ANKRD46: variants seen among roughly 807,000 people sequenced by gnomAD.
ANKRD46 encodes the protein ankyrin repeat domain 46, also known as ankyrin repeat domain-containing protein 46.
A neutral mutation model predicts 19.8 loss-of-function variants in ANKRD46; 13 were observed. The observed-to-expected ratio is 0.66, with a 90% confidence interval of 0.43 to 1.04. The LOEUF (loss-of-function observed/expected upper bound fraction) is 1.04, where lower values mean the gene tolerates loss of function less well. ANKRD46 is among the 50% of genes least tolerant of loss of function. ANKRD46 has a pLI of 0.00. For synonymous variants in ANKRD46, 91 were observed against 106.9 expected (o/e 0.85, Z 0.92); for missense variants, 185 against 274.8 (o/e 0.67, Z 2.31).
At chr8:100,542,666 G>C (rs992927856) in intron 1 of ANKRD46, among the ~76,000 whole-genome samples, 1 of 151,988 alleles carries the variant, frequency 6.6e-6, no homozygotes, top group Non-Finnish European at 1.5e-5. Flanking sequence ...CTTAGAAATG[G>C]CTCCAGGTTC....
At chr8:100,512,966 G>A (rs1053440871) in intron 5 of ANKRD46, among the ~76,000 whole-genome samples, 1 of 152,172 alleles carries the variant, frequency 6.6e-6, no homozygotes, top group Non-Finnish European at 1.5e-5. Flanking sequence ...CTCTATTGAG[G>A]CTTTCTTGAG....
Position 100,522,469 on chromosome 8 carries a change from G to C in ANKRD46, c.*86C>G. The C allele has an allele frequency of 6.4e-7, 1 of 1,551,700 alleles. No homozygotes were observed. The highest frequency in any genetic ancestry group is 1.4e-5 in the African/African-American group (1 of 72,946). ...GAACATGTACTGCCCTCACTGCTTT[G>C]CGCTAAGAAAAATTCTGAGAAACTG... On this transcript the variant is annotated 3_prime_UTR_variant, in exon 5 of 5. Transcript: ENST00000335659.
At position 100,542,913 on chromosome 8, in the gene ANKRD46, G is replaced by A. The variant is rs144647626; in HGVS notation, c.-130-9602C>T. Among the ~76,000 whole-genome samples, 22 of 152,206 alleles carry A rather than the reference G, an allele frequency of 1.4e-4. 1 individual carries two copies. The highest frequency in any genetic ancestry group is 5.3e-4 in the African/African-American group (22 of 41,552). ...TTCAAGCATAAGACAGCGAATTACAGCAATTCTCTTTCTGACTGAGCCCTG... is the reference window on the plus strand; with the variant it reads ...TTCAAGCATAAGACAGCGAATTACAACAATTCTCTTTCTGACTGAGCCCTG... On this transcript the variant is annotated intron_variant, in intron 1 of 4. Transcript: ENST00000335659.
At position 100,525,429 on chromosome 8, in the gene ANKRD46, T is replaced by C. The variant is rs1031477686; in HGVS notation, c.470+2416A>G. Reference sequence around the variant, plus strand: ...TCCCATTGCCCCTTCTCCCAGCTTCTAGTCTACTTTCTCATCTACTTTCTG... The same window carrying C: ...TCCCATTGCCCCTTCTCCCAGCTTCCAGTCTACTTTCTCATCTACTTTCTG... On this transcript the variant is annotated intron_variant, in intron 4 of 4. Transcript: ENST00000335659. The surrounding 1 kb of genome is among the most constrained non-coding windows in gnomAD (Gnocchi z 4.4). 6.6e-6 allele frequency among the ~76,000 whole-genome samples: 1 copy of C among 152,222 alleles called. No homozygotes were observed. Among genetic ancestry groups the C allele is most frequent in the Admixed American group, 6.5e-5 (1 of 15,280 alleles).
rs558946678 is a variant in ANKRD46 at position 100,529,544 on chromosome 8, T to C, written c.290A>G (p.Asn97Ser). Residue 97 changes from asparagine (N) to serine (S), a missense_variant, in exon 3 of 5, where the codon AAT becomes AGT. Coordinates refer to ENST00000335659, the MANE Select transcript of ANKRD46 (RefSeq NM_001270377.2). The surrounding 1 kb of genome is among the most constrained non-coding windows in gnomAD (Gnocchi z 5.8). ...HVDTIQFLVSNGLKIDICNHQ... is the reference protein window; with the variant it reads ...HVDTIQFLVSSGLKIDICNHQ... ...TTACCAAATATCAATTTTGAGTCCA[T>C]TGGAAACCAAAAATTGGATAGTATC... 1.0e-4 allele frequency: 166 copies of C among 1,612,576 alleles called. 1 individual carries two copies. In the South Asian group the frequency reaches 1.1e-3, roughly 10 times the overall value.
rs1387803238 is a variant in ANKRD46 at position 100,545,285 on chromosome 8, T to C, written c.-130-11974A>G. On this transcript the variant is annotated intron_variant, in intron 1 of 4. Coordinates refer to ENST00000335659, the MANE Select transcript of ANKRD46 (RefSeq NM_001270377.2). This position sits in a 1 kb window ranked among gnomAD's most constrained non-coding sequence, Gnocchi z 4.7. ...GTCCTCACTCAAATCTCATTTTAAATTGTAGTCCCCACATATCAAGGAAGG... is the reference window on the plus strand; with the variant it reads ...GTCCTCACTCAAATCTCATTTTAAACTGTAGTCCCCACATATCAAGGAAGG... 6.6e-6 allele frequency among the ~76,000 whole-genome samples: 1 copy of C among 152,098 alleles called. No individual in the cohort carries two copies. The highest frequency in any genetic ancestry group is 1.5e-5 in the Non-Finnish European group (1 of 68,008).
At chr8:100,538,774 G>A (rs985166107) in intron 1 of ANKRD46, among the ~76,000 whole-genome samples, 9 of 152,130 alleles carry the variant, frequency 5.9e-5, no homozygotes, top group African/African-American at 1.7e-4. Context: ...GAAAAGTAGC[G>A]GGGAGAGATA....
Position 100,543,768 on chromosome 8 carries a change from G to A in ANKRD46, c.-130-10457C>T, listed in dbSNP as rs17428985. Among the ~76,000 whole-genome samples, 13,601 of 152,122 alleles carry A rather than the reference G, an allele frequency of 0.089. 739 individuals are homozygous for A. The highest frequency in any genetic ancestry group is 0.12 in the Non-Finnish European group (8,314 of 67,976). ...AAACAAATTAAAGGCAAACTTTCAG[G>A]TTTATGGTAGCTATTAAATTTACCA... On this transcript the variant is annotated intron_variant, in intron 1 of 4. Transcript: ENST00000335659. The surrounding 1 kb of genome is among the most constrained non-coding windows in gnomAD (Gnocchi z 4.2).
intron 5 of ANKRD46, among the ~76,000 whole-genome samples, chr8:100,514,925 C>T (rs1811604654): frequency 6.6e-6 from 1 of 152,088 alleles, no homozygotes; most frequent in South Asian, 2.1e-4. Context: ...CAGGAGTGAG[C>T]CACCACACCC....
chr8:100,543,047 A>G lies in ANKRD46; in HGVS notation c.-130-9736T>C, dbSNP rs930015963. 7.9e-5 allele frequency among the ~76,000 whole-genome samples: 12 copies of G among 152,182 alleles called. No homozygotes were observed. Among genetic ancestry groups the G allele is most frequent in the African/African-American group, 2.9e-4 (12 of 41,448 alleles). On this transcript the variant is annotated intron_variant, in intron 1 of 4. Coordinates refer to ENST00000335659, the MANE Select transcript of ANKRD46 (RefSeq NM_001270377.2). This position sits in a 1 kb window ranked among gnomAD's most constrained non-coding sequence, Gnocchi z 4.2. ...AATCTTTCAGAAACGGGAAAAGAAG[A>G]TGACAAGTTCCTATATCAGTTTCCC...
chr8:100,524,360 A>G lies in ANKRD46; in HGVS notation c.471-1589T>C, dbSNP rs1006641854. 6.6e-6 allele frequency among the ~76,000 whole-genome samples: 1 copy of G among 152,242 alleles called. No homozygotes were observed. Among genetic ancestry groups the G allele is most frequent in the Non-Finnish European group, 1.5e-5 (1 of 68,038 alleles). On this transcript the variant is annotated intron_variant, in intron 4 of 4. Transcript: ENST00000335659. The surrounding 1 kb of genome is among the most constrained non-coding windows in gnomAD (Gnocchi z 4.3). ...CATTATGAACTATGAATAAACATGC[A>G]AAACTGACATTTTTTAACCTACAAC...
chr8:100,556,134 C>T (rs1292005853), intron 1 of ANKRD46, among the ~76,000 whole-genome samples: 1 of 152,194 alleles, frequency 6.6e-6, no homozygotes, highest in Non-Finnish European at 1.5e-5. Context: ...GATGCTTCCA[C>T]CTCAGCCTTC....
At chr8:100,513,798 T>C (rs1354090396) in intron 5 of ANKRD46, among the ~76,000 whole-genome samples, 1 of 152,216 alleles carries the variant, frequency 6.6e-6, no homozygotes, top group Admixed American at 6.5e-5. Context: ...TAAGTTTTAT[T>C]TTCTCCTAAA....
At chr8:100,547,481 A>G (rs1259524649) in intron 1 of ANKRD46, among the ~76,000 whole-genome samples, 2 of 152,176 alleles carry the variant, frequency 1.3e-5, no homozygotes, top group African/African-American at 4.8e-5. Flanking sequence ...GAGTCAACTG[A>G]ACTTCTTTTG....
At chr8:100,530,357 A>C (rs530534823) in intron 2 of ANKRD46, among the ~76,000 whole-genome samples, 3 of 151,854 alleles carry the variant, frequency 2.0e-5, no homozygotes, top group East Asian at 3.9e-4. Context: ...TATACTCAAC[A>C]AAGACCTGTA....
rs2469651 is a variant in ANKRD46, at chr8:100,534,652, G to T, written c.-130-1341C>A. On this transcript the variant is annotated intron_variant, in intron 1 of 4. Transcript: ENST00000335659. This position sits in a 1 kb window ranked among gnomAD's most constrained non-coding sequence, Gnocchi z 4.2. Reference sequence around the variant, plus strand: ...TCTGGATGTGGTAGAGCTCACATTAGGGAAAAAGAAAAAATTTTGTTTTTC... The same window carrying T: ...TCTGGATGTGGTAGAGCTCACATTATGGAAAAAGAAAAAATTTTGTTTTTC... 0.45 allele frequency among the ~76,000 whole-genome samples: 67,741 copies of T among 151,924 alleles called. 15,335 individuals carry two copies. Among genetic ancestry groups the T allele is most frequent in the African/African-American group, 0.49 (20,369 of 41,424 alleles).
intron 1 of ANKRD46, among the ~76,000 whole-genome samples, chr8:100,549,794 T>C (rs2186386): frequency 0.49 from 74,703 of 152,048 alleles, 19,294 homozygotes; most frequent in African/African-American, 0.66. Flanking sequence ...TTCATCATTA[T>C]AGCATCAGGC....
In ANKRD46 at chr8:100,510,311, CGGA is replaced by C. The variant is rs1811530412; in HGVS notation, c.*263_*265del. 1 of 395,962 alleles carries C rather than the reference CGGA, an allele frequency of 2.5e-6. No homozygotes were observed. The highest frequency in any genetic ancestry group is 4.5e-6 in the Non-Finnish European group (1 of 222,286). 24.5% of individuals were successfully genotyped at this position (395,962 alleles called of 1,614,324 possible). The stretch of plus-strand genomic sequence containing the variant: ...TTGTGGAGGTGGCATCCTGCCCGGG[CGGA>C]GGAGGGGATGGTTCCTGGAGCTCCA... On this transcript the variant is annotated 3_prime_UTR_variant, in exon 6 of 6. Transcript: ENST00000520552. This position sits in a 1 kb window ranked among gnomAD's most constrained non-coding sequence, Gnocchi z 4.9.
intron 1 of ANKRD46, among the ~76,000 whole-genome samples, chr8:100,552,893 G>A (rs1812422673): frequency 6.6e-6 from 1 of 152,238 alleles, no homozygotes; most frequent in South Asian, 2.1e-4. Flanking sequence ...ATATCTAAAT[G>A]ACACAGAATC....
Sources: allele counts gnomAD v4.1 joint callset (sites outside exome capture counted in the v4.1 genomes callset), GRCh38; gene constraint gnomAD v4.1.1; non-coding constraint Gnocchi (gnomAD v3.1); transcripts MANE v1.5; gene names NCBI Gene and HGNC (gene_info 2026-07-23, HGNC 2026-07-21).